Variants in DPP6 observed in about 807,000 individuals in gnomAD.
DPP6 encodes A-type potassium channel modulatory protein DPP6.
In DPP6, 69 loss-of-function variants were observed where a neutral mutation model predicts 122.6. The ratio of observed to expected loss-of-function variants is 0.56; its 90% confidence interval spans 0.46 to 0.69. DPP6 has a LOEUF of 0.69. DPP6 is among the 30% of genes least tolerant of loss of function. The probability of loss-of-function intolerance (pLI) is 0.00; values close to 1 mark genes in which losing one functional copy is unlikely to be tolerated. For synonymous variants in DPP6, 418 were observed against 433.1 expected, an observed-to-expected ratio of 0.97 and a Z score of 0.43; for missense variants, 928 against 1,116.9, an observed-to-expected ratio of 0.83 and a Z score of 2.41.
At chr7:154,659,856 C>T (rs547450952) in intron 6 of DPP6, among the ~76,000 whole-genome samples, 49 of 152,238 alleles carry the variant, frequency 3.2e-4, no homozygotes, top group African/African-American at 1.1e-3. Flanking sequence ...ACAATTACCT[C>T]TTTGGACTAT....
the DPP6 span, among the ~76,000 whole-genome samples, chr7:153,860,028 G>A: frequency 6.6e-6 from 1 of 152,300 alleles, no homozygotes; most frequent in Admixed American, 6.5e-5. Flanking sequence ...CTTAACTAAT[G>A]TGTAGAAAGG....
chr7:154,022,579 A>T (rs1330145788), intron 1 of DPP6, among the ~76,000 whole-genome samples: 1 of 152,162 alleles, frequency 6.6e-6, no homozygotes, highest in Non-Finnish European at 1.5e-5. Flanking sequence ...CCTGCCATGG[A>T]TGCTCCCCCC....
chr7:153,998,406 A>G (rs1430170364), intron 1 of DPP6, among the ~76,000 whole-genome samples: 1 of 152,316 alleles, frequency 6.6e-6, no homozygotes, highest in African/African-American at 2.4e-5. Context: ...TCCACATCCT[A>G]TCTTTAGGTT....
At chr7:154,545,787 G>T (rs1341253258) in intron 4 of DPP6, among the ~76,000 whole-genome samples, 1 of 152,098 alleles carries the variant, frequency 6.6e-6, no homozygotes, top group Non-Finnish European at 1.5e-5. Context: ...CAGTTCTCTG[G>T]CTTAACCTCC....
At chr7:154,511,442 A>G (rs887037038) in intron 3 of DPP6, among the ~76,000 whole-genome samples, 3 of 152,222 alleles carry the variant, frequency 2.0e-5, no homozygotes. Flanking sequence ...CAGCGCAGGT[A>G]AAGAAATGTT....
chr7:154,560,194 A>G (rs777735755), intron 4 of DPP6, among the ~76,000 whole-genome samples: 1 of 152,082 alleles, frequency 6.6e-6, no homozygotes, highest in Non-Finnish European at 1.5e-5. Flanking sequence ...AAATTTTTGT[A>G]GAATTAGTTA....
intron 16 of DPP6, among the ~76,000 whole-genome samples, chr7:154,815,334 C>G (rs933343332): frequency 1.3e-5 from 2 of 152,234 alleles, no homozygotes; most frequent in Admixed American, 1.3e-4. Flanking sequence ...GCAAAATTCA[C>G]AGTCAAGTGG....
At chr7:154,170,163 A>G (rs1319100818) in intron 1 of DPP6, among the ~76,000 whole-genome samples, 2 of 152,132 alleles carry the variant, frequency 1.3e-5, no homozygotes, top group South Asian at 2.1e-4. Context: ...GCCACAGTCA[A>G]CAGGCTCTGA....
intron 6 of DPP6, among the ~76,000 whole-genome samples, chr7:154,664,559 G>T (rs959874410): frequency 7.9e-5 from 12 of 151,896 alleles, no homozygotes; most frequent in Non-Finnish European, 1.3e-4. Flanking sequence ...AAGGATCTTT[G>T]CTGAGAGCCA....
chr7:154,023,503 CAG>C (rs1454699971), intron 1 of DPP6, among the ~76,000 whole-genome samples: 4 of 151,438 alleles, frequency 2.6e-5, no homozygotes, highest in Non-Finnish European at 5.9e-5. Context: ...TTTTTTTTGA[CAG>C]AGTTTCACTC....
At position 154,483,401 on chromosome 7, in the gene DPP6, T is replaced by TTA. The variant is rs61038137; in HGVS notation, c.457+8364_457+8365insTA. On this transcript the variant is annotated intron_variant, in intron 3 of 25. Transcript: ENST00000377770. This position sits in a 1 kb window ranked among gnomAD's most constrained non-coding sequence, Gnocchi z 8.1. ...AGGCACAATACAATTTTTTTTTTTT[T>TTA]AAAAGCATTTATTTGAGCAAACAGT... Among the ~76,000 whole-genome samples the TTA allele has an allele frequency of 2.6e-5, 4 of 151,248 alleles. No individual in the cohort carries two copies. The highest frequency in any genetic ancestry group is 6.6e-5 in the Admixed American group (1 of 15,202).
At chr7:154,552,130 C>T (rs1829684954) in intron 4 of DPP6, among the ~76,000 whole-genome samples, 1 of 152,100 alleles carries the variant, frequency 6.6e-6, no homozygotes, top group Non-Finnish European at 1.5e-5. Flanking sequence ...GGTAAAAGGA[C>T]CAAAAGTATT....
In DPP6 at chr7:154,261,186, G is replaced by A. The variant is rs183481187; in HGVS notation, c.244-185028G>A. Among the ~76,000 whole-genome samples, 14 of 152,272 alleles carry A rather than the reference G, an allele frequency of 9.2e-5. No homozygotes were observed. The East Asian group carries it at 2.3e-3, about 25-fold the overall frequency. On this transcript the variant is annotated intron_variant, in intron 1 of 25. Coordinates refer to ENST00000377770, the MANE Select transcript of DPP6 (RefSeq NM_130797.4). The stretch of plus-strand genomic sequence containing the variant: ...TGGGATTACAGGCATGAGCTGCCAC[G>A]CCCAGCCAATTCTTTTAGTTTTTTA...
At chr7:154,655,411 T>G (rs1837171022) in intron 6 of DPP6, among the ~76,000 whole-genome samples, 2 of 151,454 alleles carry the variant, frequency 1.3e-5, no homozygotes, top group African/African-American at 4.8e-5. Flanking sequence ...CCAGATCACT[T>G]TATTCTTCCT....
At chr7:154,740,172 T>C (rs533546569) in intron 8 of DPP6, among the ~76,000 whole-genome samples, 4 of 152,368 alleles carry the variant, frequency 2.6e-5, no homozygotes, top group East Asian at 1.9e-4. Flanking sequence ...TATATTTTTC[T>C]ATCTTTCAAA....
intron 3 of DPP6, among the ~76,000 whole-genome samples, chr7:154,519,644 T>C (rs1041696127): frequency 2.6e-5 from 4 of 152,252 alleles, no homozygotes; most frequent in African/African-American, 9.6e-5. Context: ...AATTGTTCCA[T>C]GTAATGATTT....
chr7:154,467,003 A>G (rs1460192175), intron 2 of DPP6, among the ~76,000 whole-genome samples: 1 of 152,238 alleles, frequency 6.6e-6, no homozygotes, highest in Non-Finnish European at 1.5e-5. Context: ...TGGCTCTGAG[A>G]AACTGGAGAG....
chr7:154,283,917 T>C (rs1296476780), intron 1 of DPP6, among the ~76,000 whole-genome samples: 2 of 152,246 alleles, frequency 1.3e-5, no homozygotes, highest in African/African-American at 2.4e-5. Flanking sequence ...TGCAGATGCA[T>C]AGCATGAAAG....
At chr7:154,599,769 T>C (rs1327707695) in intron 5 of DPP6, among the ~76,000 whole-genome samples, 6 of 150,978 alleles carry the variant, frequency 4.0e-5, no homozygotes, top group African/African-American at 1.2e-4. Flanking sequence ...GAACATGCAG[T>C]GTTTGATTTT....
Sources: gnomAD v4.1 joint callset for allele counts (sites outside exome capture counted in the v4.1 genomes callset) on GRCh38, gnomAD v4.1.1 for gene constraint, Gnocchi (gnomAD v3.1) non-coding constraint, MANE v1.5 for transcripts, NCBI Gene and HGNC (gene_info 2026-07-23, HGNC 2026-07-21) for gene names.